ZNF804A: variants seen among roughly 807,000 people sequenced by gnomAD.
ZNF804A encodes the protein zinc finger protein 804A.
A neutral mutation model predicts 16.5 loss-of-function variants in ZNF804A; 2 were observed. The observed-to-expected ratio is 0.12, with a 90% CI of 0.05 to 0.38. The LOEUF (loss-of-function observed/expected upper bound fraction) is 0.38. Among genes scored for constraint, ZNF804A ranks in the 10% least tolerant of loss-of-function variants. ZNF804A has a pLI of 0.99. For missense variants in ZNF804A, 1,473 were observed against 1,390.7 expected (o/e 1.06, Z -0.94); for synonymous variants, 534 against 489.6 (o/e 1.09, Z -1.20).
At chr2:184,851,994 A>C (rs561193598) in intron 1 of ZNF804A, among the ~76,000 whole-genome samples, 2 of 151,814 alleles carry the variant, frequency 1.3e-5, no homozygotes, top group East Asian at 3.9e-4. Flanking sequence ...TCTTCTGAAA[A>C]ATGTCTATTC....
intron 1 of ZNF804A, among the ~76,000 whole-genome samples, chr2:184,815,408 G>C (rs962553468): frequency 4.0e-5 from 6 of 151,818 alleles, no homozygotes; most frequent in Non-Finnish European, 5.9e-5. Flanking sequence ...TAAATTATAT[G>C]AGGGTATTGT....
intron 1 of ZNF804A, among the ~76,000 whole-genome samples, chr2:184,718,943 G>A (rs981966494): frequency 7.9e-5 from 12 of 152,054 alleles, no homozygotes; most frequent in Non-Finnish European, 1.5e-4. Context: ...ATTCTGCATG[G>A]GGGCTCTGAC....
At position 184,886,660 on chromosome 2, in the gene ZNF804A, A is replaced by C. The variant is rs187555087; in HGVS notation, c.255+20148A>C. 7.5e-3 allele frequency among the ~76,000 whole-genome samples: 1,147 copies of C among 152,314 alleles called. 17 individuals are homozygous for C. The highest frequency in any genetic ancestry group is 0.026 in the African/African-American group (1,091 of 41,580). On this transcript the variant is annotated intron_variant, in intron 2 of 3. Coordinates refer to ENST00000302277, the MANE Select transcript of ZNF804A (RefSeq NM_194250.2). ...AAACCTCAATTCTTGACTTCTGTGCACCTGCAGGCTCAACACCATGTGAAA... is the reference window on the plus strand; with the variant it reads ...AAACCTCAATTCTTGACTTCTGTGCCCCTGCAGGCTCAACACCATGTGAAA...
At chr2:184,833,406 A>T (rs956563614) in intron 1 of ZNF804A, among the ~76,000 whole-genome samples, 1 of 152,084 alleles carries the variant, frequency 6.6e-6, no homozygotes, top group Non-Finnish European at 1.5e-5. Flanking sequence ...CTATAGCTGC[A>T]CTATCCCATA....
chr2:184,694,437 CT>C (rs1350600879), intron 1 of ZNF804A, among the ~76,000 whole-genome samples: 1 of 151,998 alleles, frequency 6.6e-6, no homozygotes, highest in Non-Finnish European at 1.5e-5. Context: ...ATTATGTGTG[CT>C]TTCATATTCT....
chr2:184,858,645 T>C (rs1695743384), intron 1 of ZNF804A, among the ~76,000 whole-genome samples: 1 of 152,152 alleles, frequency 6.6e-6, no homozygotes, highest in African/African-American at 2.4e-5. Flanking sequence ...CTAATTATTG[T>C]AATGATAATT....
chr2:184,734,493 T>TG lies in ZNF804A; in HGVS notation c.112-131875dup, dbSNP rs1693577988. Among the ~76,000 whole-genome samples the TG allele has an allele frequency of 1.3e-5, 2 of 152,234 alleles. 1 individual carries two copies. Among genetic ancestry groups the TG allele is most frequent in the South Asian group, 4.1e-4 (2 of 4,828 alleles). ...GATTTTCCAGCTATCCATCTGTTAC[T>TG]GATTTCAAGTTTAATTCCATTGTGG... On this transcript the variant is annotated intron_variant, in intron 1 of 3. Transcript: ENST00000302277.
intron 1 of ZNF804A, among the ~76,000 whole-genome samples, chr2:184,810,573 C>T (rs1694883013): frequency 6.8e-6 from 1 of 146,250 alleles, no homozygotes; most frequent in Non-Finnish European, 1.5e-5. Context: ...TTACTGCAGG[C>T]TCCGCCTCCC....
At chr2:184,609,522 G>T (rs372162257) in intron 1 of ZNF804A, among the ~76,000 whole-genome samples, 2 of 152,112 alleles carry the variant, frequency 1.3e-5, no homozygotes, top group African/African-American at 4.8e-5. Flanking sequence ...ATATAGACTG[G>T]GTGGCTTAAA....
intron 1 of ZNF804A, among the ~76,000 whole-genome samples, chr2:184,732,774 G>T (rs1693540497): frequency 6.6e-6 from 1 of 151,940 alleles, no homozygotes; most frequent in Admixed American, 6.6e-5. Context: ...TTGTTTTGGG[G>T]GATGTTAATG....
At chr2:184,745,590 G>A (rs867386556) in intron 1 of ZNF804A, among the ~76,000 whole-genome samples, 2 of 151,530 alleles carry the variant, frequency 1.3e-5, no homozygotes, top group South Asian at 2.1e-4. Context: ...ATAGAGAAAA[G>A]AATGTTCTTC....
intron 1 of ZNF804A, among the ~76,000 whole-genome samples, chr2:184,684,173 G>T (rs945030441): frequency 6.6e-6 from 1 of 152,170 alleles, no homozygotes; most frequent in Admixed American, 6.5e-5. Context: ...TGAATGATTT[G>T]TGAGTTTGTA....
intron 2 of ZNF804A, among the ~76,000 whole-genome samples, chr2:184,907,795 A>C (rs368140778): frequency 6.6e-6 from 1 of 152,148 alleles, no homozygotes; most frequent in African/African-American, 2.4e-5. Flanking sequence ...ATGCCATATA[A>C]TTGCACATTT....
At position 184,939,127 on chromosome 2, in the gene ZNF804A, A is replaced by G. The variant is rs2105845829; in HGVS notation, c.*101A>G. ...CATGGCTATTTAACTGGTGGAAATA[A>G]ACTGGCCGATACATGGCGTCATTGG... On this transcript the variant is annotated 3_prime_UTR_variant, in exon 4 of 4. Transcript: ENST00000302277. The G allele has an allele frequency of 1.4e-6, 2 of 1,435,946 alleles. No homozygotes were observed. Among genetic ancestry groups the G allele is most frequent in the Non-Finnish European group, 1.9e-6 (2 of 1,062,580 alleles). The allele number at this position is 1,435,946 out of a possible 1,614,324, so 89.0% of individuals were successfully genotyped here. A position where few individuals can be genotyped will look rare whatever the true frequency, so the allele number is the denominator to read the frequency against.
chr2:184,686,628 C>G (rs1692638824), intron 1 of ZNF804A, among the ~76,000 whole-genome samples: 1 of 152,152 alleles, frequency 6.6e-6, no homozygotes, highest in Non-Finnish European at 1.5e-5. Flanking sequence ...ACACTGTTTT[C>G]CATGGTGTCT....
intron 1 of ZNF804A, among the ~76,000 whole-genome samples, chr2:184,829,006 A>G (rs968673207): frequency 6.6e-6 from 1 of 151,842 alleles, no homozygotes; most frequent in African/African-American, 2.4e-5. Context: ...ATTTTTTGTT[A>G]GTATGTTTTT....
chr2:184,697,157 A>G (rs946451800), intron 1 of ZNF804A, among the ~76,000 whole-genome samples: 9 of 152,172 alleles, frequency 5.9e-5, no homozygotes, highest in African/African-American at 2.2e-4. Flanking sequence ...CAGTTTAAAG[A>G]TTGTAGCTAT....
chr2:184,733,409 G>A (rs1693552248), intron 1 of ZNF804A, among the ~76,000 whole-genome samples: 2 of 152,000 alleles, frequency 1.3e-5, no homozygotes, highest in East Asian at 3.9e-4. Context: ...TTATTTTTAT[G>A]AATTGTTGGA....
intron 1 of ZNF804A, among the ~76,000 whole-genome samples, chr2:184,861,646 A>G (rs539809639): frequency 6.6e-6 from 1 of 152,318 alleles, no homozygotes; most frequent in African/African-American, 2.4e-5. Context: ...AGGGAAGGTT[A>G]CTTGTATATA....
Sources: allele counts gnomAD v4.1 joint callset (sites outside exome capture counted in the v4.1 genomes callset), GRCh38; gene constraint gnomAD v4.1.1; transcripts MANE v1.5; gene names NCBI Gene and HGNC (gene_info 2026-07-23, HGNC 2026-07-21).